MAPK10: variants seen among roughly 807,000 people sequenced by gnomAD.
MAPK10 encodes JNK3 alpha protein kinase.
Under a neutral mutation model 59.3 loss-of-function variants are expected in MAPK10, and 25 were observed. That is an observed-to-expected ratio of 0.42 (90% CI 0.31 to 0.59). MAPK10 has a LOEUF of 0.59. Ranked by LOEUF, MAPK10 falls within the 20% of genes least tolerant of loss-of-function variation. The pLI, the probability that MAPK10 is intolerant of heterozygous loss-of-function variation, is 0.15. For synonymous variants in MAPK10, 190 were observed against 200.5 expected, an observed-to-expected ratio of 0.95 and a Z score of 0.44; for missense variants, 351 against 568.9, an observed-to-expected ratio of 0.62 and a Z score of 3.90.
intron 2 of MAPK10, among the ~76,000 whole-genome samples, chr4:86,236,977 T>C (rs902356661): frequency 1.3e-5 from 2 of 151,880 alleles, no homozygotes; most frequent in Non-Finnish European, 2.9e-5. Flanking sequence ...ATCCTCTAAG[T>C]TGCCTCCCCT....
intron 9 of MAPK10, among the ~76,000 whole-genome samples, chr4:86,077,397 C>G (rs528084333): frequency 3.2e-4 from 48 of 152,190 alleles, no homozygotes; most frequent in Non-Finnish European, 5.4e-4. Flanking sequence ...AATTTTTGGG[C>G]CTCTCATTTG....
chr4:86,364,804 AC>A (rs1737570758), upstream of MAPK10, among the ~76,000 whole-genome samples: 1 of 151,792 alleles, frequency 6.6e-6, no homozygotes. Context: ...ACATGGTGAA[AC>A]CCTGTCTCTA....
At chr4:86,075,086 C>T (rs527594322) in intron 9 of MAPK10, among the ~76,000 whole-genome samples, 2 of 150,304 alleles carry the variant, frequency 1.3e-5, no homozygotes, top group East Asian at 3.9e-4. Context: ...GGAGGCTTTG[C>T]TCATTTCTTT....
intron 11 of MAPK10, among the ~76,000 whole-genome samples, chr4:86,038,964 A>G (rs925875938): frequency 4.6e-5 from 7 of 152,208 alleles, no homozygotes; most frequent in Non-Finnish European, 7.3e-5. Context: ...CTGAATGTAG[A>G]TATATGGCAT....
At chr4:86,156,680 C>A (rs2067873038) in intron 4 of MAPK10, among the ~76,000 whole-genome samples, 4 of 151,984 alleles carry the variant, frequency 2.6e-5, no homozygotes, top group Admixed American at 2.6e-4. Flanking sequence ...CAAGAAACAG[C>A]AGGATAGATG....
rs1428056365 is a variant in MAPK10 at position 86,014,579 on chromosome 4, T to G, written c.*2649A>C. On this transcript the variant is annotated 3_prime_UTR_variant, in exon 14 of 14. Coordinates refer to ENST00000641462, the MANE Select transcript of MAPK10 (RefSeq NM_138982.4). ...CCTCTATTTGTAAATGATACTTATA[T>G]TCAAGGAATTTGTTCCATTTTTCTC... The G allele has an allele frequency of 6.6e-6, 1 of 152,130 alleles. No individual in the cohort carries two copies. The highest frequency in any genetic ancestry group is 2.4e-5 in the African/African-American group (1 of 41,418). 9.4% of individuals were successfully genotyped at this position (152,130 alleles called of 1,614,324 possible).
At chr4:86,066,638 G>C (rs931263323) in intron 10 of MAPK10, among the ~76,000 whole-genome samples, 2 of 151,638 alleles carry the variant, frequency 1.3e-5, no homozygotes, top group African/African-American at 4.8e-5. Flanking sequence ...GGTGGCGGGC[G>C]CCTGTAGTCC....
chr4:86,273,285 C>A (rs1469386110), intron 2 of MAPK10, among the ~76,000 whole-genome samples: 2 of 151,918 alleles, frequency 1.3e-5, no homozygotes, highest in Admixed American at 1.3e-4. Context: ...ATTATTCTGA[C>A]CAGTTAACAA....
intron 1 of MAPK10, among the ~76,000 whole-genome samples, chr4:86,501,700 AC>A (rs749532225): frequency 2.0e-5 from 3 of 146,432 alleles, no homozygotes; most frequent in African/African-American, 5.1e-5. Context: ...ACACACACAC[AC>A]ACTACTGTGC....
chr4:86,175,728 A>G (rs2075542590), intron 3 of MAPK10, among the ~76,000 whole-genome samples: 1 of 152,150 alleles, frequency 6.6e-6, no homozygotes, highest in Non-Finnish European at 1.5e-5. Flanking sequence ...CCGTGAACCA[A>G]TTAAATCTCT....
chr4:86,202,943 C>A (rs1554088816), intron 2 of MAPK10, among the ~76,000 whole-genome samples: 1 of 151,904 alleles, frequency 6.6e-6, no homozygotes, highest in Non-Finnish European at 1.5e-5. Context: ...CAGCAAATTA[C>A]AAAAAATTCG....
intron 1 of MAPK10, among the ~76,000 whole-genome samples, chr4:86,381,222 C>T (rs1219983030): frequency 6.6e-6 from 1 of 152,160 alleles, no homozygotes; most frequent in Non-Finnish European, 1.5e-5. Context: ...TCCAGATGGC[C>T]TTACACATGC....
intron 1 of MAPK10, among the ~76,000 whole-genome samples, chr4:86,509,511 G>T (rs1215425819): frequency 1.3e-5 from 2 of 150,286 alleles, no homozygotes; most frequent in South Asian, 4.2e-4. Flanking sequence ...TTCCCTGTCC[G>T]CATTGTCTAG....
chr4:86,165,767 T>C (rs1261763745), intron 3 of MAPK10, among the ~76,000 whole-genome samples: 1 of 151,922 alleles, frequency 6.6e-6, no homozygotes, highest in African/African-American at 2.4e-5. Flanking sequence ...TAAATTTTGT[T>C]CTCTCAAGAG....
chr4:86,114,150 G>A (rs1254777035), intron 4 of MAPK10, among the ~76,000 whole-genome samples: 3 of 152,118 alleles, frequency 2.0e-5, no homozygotes, highest in Admixed American at 2.0e-4. Flanking sequence ...CTTTGCATTG[G>A]GTTAGAACAT....
Position 86,187,327 on chromosome 4 carries a change from C to G in MAPK10, c.66+7009G>C, listed in dbSNP as rs554765690. Among the ~76,000 whole-genome samples the G allele has an allele frequency of 7.2e-5, 11 of 152,250 alleles. No homozygotes were observed. In the East Asian group the frequency reaches 2.1e-3, roughly 29 times the overall value. ...GAACACGAGCACTGTGATACCACAA[C>G]AGTCAATCTGATAACAGAGATGGTT... On this transcript the variant is annotated intron_variant, in intron 3 of 13. Coordinates refer to ENST00000641462, the MANE Select transcript of MAPK10 (RefSeq NM_138982.4).
At chr4:86,116,794 T>G (rs2058356925) in intron 4 of MAPK10, among the ~76,000 whole-genome samples, 1 of 152,234 alleles carries the variant, frequency 6.6e-6, no homozygotes, top group Non-Finnish European at 1.5e-5. Context: ...AATAACAACT[T>G]GACAAGCTTG....
intron 3 of MAPK10, chr4:86,192,970 C>G (rs1237563747): frequency 1.3e-5 from 2 of 152,008 alleles, no homozygotes; most frequent in Non-Finnish European, 2.9e-5. Flanking sequence ...TGTGAATGTC[C>G]TTTTTGTTGA....
intron 1 of MAPK10, among the ~76,000 whole-genome samples, chr4:86,551,427 T>C (rs889891477): frequency 6.6e-6 from 1 of 152,246 alleles, no homozygotes; most frequent in Non-Finnish European, 1.5e-5. Context: ...TAAAATTTTG[T>C]CAAGATCATT....
Sources: allele counts gnomAD v4.1 joint callset (sites outside exome capture counted in the v4.1 genomes callset), GRCh38; gene constraint gnomAD v4.1.1; transcripts MANE v1.5; gene names NCBI Gene and HGNC (gene_info 2026-07-23, HGNC 2026-07-21).